The following ZNF2 variants were observed in gnomAD, a reference collection of about 807,000 sequenced individuals.
ZNF2 encodes zinc finger protein 2.
Under a neutral mutation model 21.9 loss-of-function variants are expected in ZNF2, and 12 were observed. The observed-to-expected ratio is 0.55, with a 90% CI of 0.35 to 0.89. The LOEUF (loss-of-function observed/expected upper bound fraction) is 0.89. ZNF2 is among the 40% of genes least tolerant of loss of function. The pLI is 0.01. For synonymous variants in ZNF2, 186 were observed against 196.3 expected (o/e 0.95, Z 0.44); for missense variants, 462 against 544.2 (o/e 0.85, Z 1.50).
intron 1 of ZNF2, among the ~76,000 whole-genome samples, chr2:95,168,726 TGTGAG>T (rs1674170880): frequency 6.6e-6 from 1 of 152,248 alleles, no homozygotes; most frequent in Admixed American, 6.5e-5. Flanking sequence ...ATAACTATGC[TGTGAG>T]TTAGGTGGTA....
intron 3 of ZNF2, among the ~76,000 whole-genome samples, chr2:95,179,433 C>G (rs1432025033): frequency 6.6e-6 from 1 of 152,236 alleles, no homozygotes; most frequent in Non-Finnish European, 1.5e-5. Flanking sequence ...ACCGGACAGA[C>G]TTGTTTCAAT....
intron 1 of ZNF2, among the ~76,000 whole-genome samples, chr2:95,167,081 G>A (rs1674082982): frequency 6.6e-6 from 1 of 152,210 alleles, no homozygotes; most frequent in African/African-American, 2.4e-5. Context: ...CAGGGCAAAA[G>A]TGGGGAAAAA....
intron 1 of ZNF2, among the ~76,000 whole-genome samples, chr2:95,170,812 CT>C: frequency 6.6e-6 from 1 of 152,170 alleles, no homozygotes; most frequent in East Asian, 1.9e-4. Flanking sequence ...ATTTCTCTTT[CT>C]ACTTGATACT....
chr2:95,178,601 T>C (rs762142492), intron 3 of ZNF2, among the ~76,000 whole-genome samples: 21 of 152,230 alleles, frequency 1.4e-4, no homozygotes, highest in Non-Finnish European at 2.4e-4. Flanking sequence ...AATAAGAAAG[T>C]GCCTCTTTCC....
In ZNF2 at chr2:95,181,406, G is replaced by A. The variant is rs1674644113; in HGVS notation, c.578G>A (p.Arg193Lys). ...CACTCATCCCTCACCCGCCATCAGAGGACTCACACTGGGGAGAAGCCCTAC... is the reference window on the plus strand; with the variant it reads ...CACTCATCCCTCACCCGCCATCAGAAGACTCACACTGGGGAGAAGCCCTAC... Reference protein sequence around the residue: ...FDHSSLTRHQRTHTGEKPYDC... With the variant: ...FDHSSLTRHQKTHTGEKPYDC... Residue 193 changes from arginine (R) to lysine (K), a missense_variant, in exon 5 of 5, where the codon AGG (arginine) becomes AAG (lysine). Transcript: ENST00000614034. The A allele has an allele frequency of 6.2e-7, 1 of 1,614,076 alleles. No individual in the cohort carries two copies. The highest frequency in any genetic ancestry group is 8.5e-7 in the Non-Finnish European group (1 of 1,180,038).
chr2:95,179,375 G>A (rs1674558463), intron 3 of ZNF2, among the ~76,000 whole-genome samples: 1 of 152,188 alleles, frequency 6.6e-6, no homozygotes, highest in Non-Finnish European at 1.5e-5. Context: ...TGTAGGCAAG[G>A]TGATTTTTTC....
At position 95,182,968 on chromosome 2, in the gene ZNF2, A is replaced by G. The variant is rs1163312853; in HGVS notation, c.*862A>G. 1 of 152,192 alleles carries G rather than the reference A, an allele frequency of 6.6e-6. No homozygotes were observed. The highest frequency in any genetic ancestry group is 1.5e-5 in the Non-Finnish European group (1 of 68,044). 9.4% of individuals were successfully genotyped at this position (152,192 alleles called of 1,614,324 possible). A position where few individuals can be genotyped will look rare whatever the true frequency, so the allele number is the denominator to read the frequency against. ...TGCTCAATAAATATTTATATGAGTG[A>G]ATGACTTTTCTACTTACCAAATTCT... On this transcript the variant is annotated 3_prime_UTR_variant, in exon 5 of 5. Coordinates refer to ENST00000614034, the MANE Select transcript of ZNF2 (RefSeq NM_021088.4).
Position 95,177,932 on chromosome 2 carries a change from C to T in ZNF2, c.160+323C>T, listed in dbSNP as rs190347406. Among the ~76,000 whole-genome samples, 280 of 152,240 alleles carry T rather than the reference C, an allele frequency of 1.8e-3. 2 individuals carry two copies. Among genetic ancestry groups the T allele is most frequent in the African/African-American group, 6.5e-3 (272 of 41,560 alleles). ...ATGTGTGTTAGAGGCAGGGAGCTGG[C>T]GCTCCAGAGGGGCAGGCAGAAGACG... On this transcript the variant is annotated intron_variant, in intron 3 of 4. Coordinates refer to ENST00000614034, the MANE Select transcript of ZNF2 (RefSeq NM_021088.4).
intron 1 of ZNF2, 109 bp from the exon 2 acceptor site, chr2:95,176,079 A>G: frequency 4.2e-6 from 4 of 958,396 alleles, no homozygotes; most frequent in Non-Finnish European, 6.8e-6. Flanking sequence ...TTTGTAAGGT[A>G]TTGAGGATGA....
Position 95,176,137 on chromosome 2 carries a change from G to C in ZNF2, c.-39-51G>C. 79 of 1,503,792 alleles carry C rather than the reference G, an allele frequency of 5.3e-5. No individual in the cohort carries two copies. In the South Asian group the frequency reaches 8.7e-4, roughly 17 times the overall value. 93.2% of individuals were successfully genotyped at this position (1,503,792 alleles called of 1,614,324 possible). ...CATGGGTCAAAAGACTATGCGACAG[G>C]ACTGGTCTTTCTCCTACCTTCTTTC... On this transcript the variant is annotated intron_variant, in intron 1 of 4. Coordinates refer to ENST00000614034, the MANE Select transcript of ZNF2 (RefSeq NM_021088.4).
In ZNF2 at chr2:95,182,755, A is replaced by T. The variant is rs1330742597; in HGVS notation, c.*649A>T. ...TTAAATCACTTGCCCAAGGTGAACC[A>T]GCTGGTAAAAGGTGATGCCAGGTCT... is the stretch of plus-strand genomic sequence containing the variant. On this transcript the variant is annotated 3_prime_UTR_variant, in exon 5 of 5. Coordinates refer to ENST00000614034, the MANE Select transcript of ZNF2 (RefSeq NM_021088.4). The T allele has an allele frequency of 6.5e-6, 1 of 152,676 alleles. No individual in the cohort carries two copies. Among genetic ancestry groups the T allele is most frequent in the East Asian group, 1.9e-4 (1 of 5,196 alleles). 9.5% of individuals were successfully genotyped at this position (152,676 alleles called of 1,614,324 possible). A position where few individuals can be genotyped will look rare whatever the true frequency, so the allele number is the denominator to read the frequency against.
At chr2:95,175,720 C>T (rs1674418009) in intron 1 of ZNF2, among the ~76,000 whole-genome samples, 1 of 152,220 alleles carries the variant, frequency 6.6e-6, no homozygotes, top group Non-Finnish European at 1.5e-5. Context: ...CACAGGGTCA[C>T]ATGGTACAAA....
At position 95,181,715 on chromosome 2, in the gene ZNF2, A is replaced by T; in HGVS notation, c.887A>T (p.Gln296Leu). 1 of 1,614,244 alleles carries T rather than the reference A, an allele frequency of 6.2e-7. No homozygotes were observed. The highest frequency in any genetic ancestry group is 8.5e-7 in the Non-Finnish European group (1 of 1,180,044). The change falls in exon 5 of 5, where the codon CAG (glutamine) becomes CTG (leucine). Residue 296 changes from glutamine to leucine, a missense_variant. Gln to Leu is a moderately radical substitution (Grantham distance 113). Coordinates refer to ENST00000614034, the MANE Select transcript of ZNF2 (RefSeq NM_021088.4). The part of the protein sequence containing the change: ...ECHQCGKAFS[Q>L]KSILTRHQLI... ...CATCAGTGTGGGAAAGCCTTTAGCC[A>T]GAAAAGTATTCTTACTCGCCATCAG...
chr2:95,180,356 T>C, intron 4 of ZNF2, 84 bp downstream of exon 4: 1 of 866,302 alleles, frequency 1.2e-6, no homozygotes, highest in Non-Finnish European at 1.8e-6. Flanking sequence ...GGTATCATCT[T>C]TCTCTCAAAT....
At chr2:95,171,997 C>T (rs1224572559) in intron 1 of ZNF2, among the ~76,000 whole-genome samples, 1 of 152,162 alleles carries the variant, frequency 6.6e-6, no homozygotes, top group Non-Finnish European at 1.5e-5. Context: ...AAAAGACAAG[C>T]CGGGTAGAGG....
intron 3 of ZNF2, among the ~76,000 whole-genome samples, chr2:95,179,792 C>T (rs557177586): frequency 6.6e-6 from 1 of 152,234 alleles, no homozygotes; most frequent in Non-Finnish European, 1.5e-5. Flanking sequence ...CTCAGTGGCT[C>T]ATGCCTGTAA....
At chr2:95,180,414 A>C in intron 4 of ZNF2, 142 bp downstream of exon 4, 1 of 555,620 alleles carries the variant, frequency 1.8e-6, no homozygotes, top group Non-Finnish European at 3.2e-6. Flanking sequence ...AATAGCTTTT[A>C]TTTTTTTCCC....
intron 1 of ZNF2, among the ~76,000 whole-genome samples, chr2:95,166,505 C>G (rs1674047895): frequency 6.6e-6 from 1 of 152,024 alleles, no homozygotes; most frequent in Non-Finnish European, 1.5e-5. Flanking sequence ...TAGGTGTGAT[C>G]CAGGGACTGA....
chr2:95,176,250 C>T lies in ZNF2; in HGVS notation c.24C>T (p.Thr8=), dbSNP rs749026335. ...GAATGGCTGCTGTGTCTCCGACCAC[C>T]AGATGCCAGGTGAGGTGGACTTTTG... MAAVSPT[T]RCQESVTFED... Residue 8 remains threonine (T), a synonymous_variant, in exon 2 of 5, where the codon ACC becomes ACT. Transcript: ENST00000614034. 30 of 1,614,178 alleles carry T rather than the reference C, an allele frequency of 1.9e-5. No homozygotes were observed. In the African/African-American group the frequency reaches 4.0e-4, roughly 22 times the overall value.
Sources: allele counts gnomAD v4.1 joint callset (sites outside exome capture counted in the v4.1 genomes callset), GRCh38; gene constraint gnomAD v4.1.1; transcripts MANE v1.5; gene names NCBI Gene and HGNC (gene_info 2026-07-23, HGNC 2026-07-21).